The following EXOC6B variants were observed in gnomAD, a reference collection of about 807,000 sequenced individuals.
The protein encoded by EXOC6B is exocyst complex component 6B.
In EXOC6B, 54 loss-of-function variants were observed where a neutral mutation model predicts 113.5. That is an observed-to-expected ratio of 0.48 (90% confidence interval 0.38 to 0.60). The LOEUF is 0.60. Ranked by LOEUF, EXOC6B falls within the 20% of genes least tolerant of loss-of-function variation. The probability of loss-of-function intolerance (pLI) is 0.00; values close to 1 mark genes in which losing one functional copy is unlikely to be tolerated. For missense variants in EXOC6B, 797 were observed against 977.5 expected, an observed-to-expected ratio of 0.82 and a Z score of 2.46; for synonymous variants, 357 against 339.0, an observed-to-expected ratio of 1.05 and a Z score of -0.58.
intron 1 of EXOC6B, among the ~76,000 whole-genome samples, chr2:72,779,740 G>T (rs1427970355): frequency 6.6e-6 from 1 of 152,038 alleles, no homozygotes; most frequent in Non-Finnish European, 1.5e-5. Flanking sequence ...TAAGGGGTGG[G>T]GAATCAGATC....
At chr2:72,369,911 G>A (rs934064602) in intron 19 of EXOC6B, among the ~76,000 whole-genome samples, 1 of 152,108 alleles carries the variant, frequency 6.6e-6, no homozygotes, top group South Asian at 2.1e-4. Context: ...AAAAACCCTA[G>A]AAGAAAACCT....
chr2:72,772,377 T>C (rs1683455847), intron 1 of EXOC6B, among the ~76,000 whole-genome samples: 1 of 152,074 alleles, frequency 6.6e-6, no homozygotes, highest in Admixed American at 6.5e-5. Context: ...AGCCCCAGGC[T>C]TCAGGCCTGC....
chr2:72,472,515 A>G (rs1448473766), intron 17 of EXOC6B, among the ~76,000 whole-genome samples: 1 of 152,066 alleles, frequency 6.6e-6, no homozygotes, highest in East Asian at 1.9e-4. Flanking sequence ...ACAGTCCCTG[A>G]TGATCTTTTC....
intron 18 of EXOC6B, among the ~76,000 whole-genome samples, chr2:72,460,883 A>G (rs1357539538): frequency 6.6e-6 from 1 of 151,512 alleles, no homozygotes; most frequent in African/African-American, 2.4e-5. Flanking sequence ...ACTATAAATC[A>G]TGCTGCTATA....
At chr2:72,238,919 G>C (rs1682131682) in intron 20 of EXOC6B, among the ~76,000 whole-genome samples, 1 of 152,030 alleles carries the variant, frequency 6.6e-6, no homozygotes, top group Non-Finnish European at 1.5e-5. Flanking sequence ...TTGTTTTTTA[G>C]ACAGAGTCTC....
chr2:72,788,319 A>G (rs546649637), intron 1 of EXOC6B, among the ~76,000 whole-genome samples: 1 of 152,346 alleles, frequency 6.6e-6, no homozygotes, highest in African/African-American at 2.4e-5. Flanking sequence ...ATAAGTGTGA[A>G]GTTGAATGTG....
chr2:72,415,158 T>C (rs564696406), intron 18 of EXOC6B, among the ~76,000 whole-genome samples: 4 of 152,214 alleles, frequency 2.6e-5, no homozygotes, highest in African/African-American at 9.6e-5. Context: ...GGTATTCATT[T>C]ACATTTTCAA....
At chr2:72,332,020 G>A (rs945516868) in intron 20 of EXOC6B, among the ~76,000 whole-genome samples, 1 of 151,994 alleles carries the variant, frequency 6.6e-6, no homozygotes, top group Admixed American at 6.6e-5. Flanking sequence ...GATACTGTCT[G>A]AAACTCTCTA....
chr2:72,658,661 A>T (rs987837548), intron 6 of EXOC6B, among the ~76,000 whole-genome samples: 3 of 152,084 alleles, frequency 2.0e-5, no homozygotes, highest in Non-Finnish European at 4.4e-5. Flanking sequence ...ACTGAGAAAG[A>T]GAAGAGAGCT....
chr2:72,803,823 T>C (rs1191172790), intron 1 of EXOC6B, among the ~76,000 whole-genome samples: 4 of 152,290 alleles, frequency 2.6e-5, no homozygotes, highest in Middle Eastern at 3.4e-3. Context: ...CTAATAAATA[T>C]ACAAATCTAC....
At chr2:72,219,233 A>C (rs1432722090) in intron 20 of EXOC6B, among the ~76,000 whole-genome samples, 2 of 151,970 alleles carry the variant, frequency 1.3e-5, no homozygotes, top group Non-Finnish European at 2.9e-5. Context: ...TACTGGTCTC[A>C]CTTTCTAAAG....
At chr2:72,406,349 A>G (rs1454183205) in intron 18 of EXOC6B, among the ~76,000 whole-genome samples, 1 of 152,090 alleles carries the variant, frequency 6.6e-6, no homozygotes, top group Admixed American at 6.6e-5. Context: ...TGCACCAAGC[A>G]GACCTAATAG....
intron 17 of EXOC6B, among the ~76,000 whole-genome samples, chr2:72,478,284 C>A (rs900808904): frequency 6.6e-6 from 1 of 152,100 alleles, no homozygotes; most frequent in Non-Finnish European, 1.5e-5. Context: ...GCTAAGGACG[C>A]CAGCTTGATT....
intron 7 of EXOC6B, among the ~76,000 whole-genome samples, chr2:72,570,508 C>G (rs1704450932): frequency 1.3e-5 from 2 of 152,080 alleles, no homozygotes; most frequent in African/African-American, 4.8e-5. Context: ...AAAAGAGACA[C>G]CAAAATCTAG....
chr2:72,474,049 G>A (rs1278103254), intron 17 of EXOC6B, among the ~76,000 whole-genome samples: 1 of 144,980 alleles, frequency 6.9e-6, no homozygotes, highest in Non-Finnish European at 1.5e-5. Flanking sequence ...TGCCCAACAT[G>A]TTTTTTTTTT....
intron 18 of EXOC6B, among the ~76,000 whole-genome samples, chr2:72,432,789 T>G (rs1352098718): frequency 6.6e-6 from 1 of 151,486 alleles, no homozygotes; most frequent in East Asian, 1.9e-4. Flanking sequence ...TCTTGTAAAT[T>G]TGGTAGATTC....
chr2:72,183,762 A>ATT (rs149454842), intron 21 of EXOC6B, among the ~76,000 whole-genome samples: 14 of 150,130 alleles, frequency 9.3e-5, no homozygotes, highest in African/African-American at 3.2e-4. Flanking sequence ...AAACCGAGCC[A>ATT]TTTTTTTTTC....
At chr2:72,786,633 T>C (rs1405759121) in intron 1 of EXOC6B, among the ~76,000 whole-genome samples, 1 of 152,164 alleles carries the variant, frequency 6.6e-6, no homozygotes, top group Non-Finnish European at 1.5e-5. Flanking sequence ...AGAGCCTATA[T>C]GGTAGGCAAA....
chr2:72,500,538 TAAAATC>T (rs1700259826), intron 11 of EXOC6B, among the ~76,000 whole-genome samples: 1 of 151,732 alleles, frequency 6.6e-6, no homozygotes, highest in African/African-American at 2.4e-5. Flanking sequence ...AAGTTAAAAA[TAAAATC>T]AATTAAATAA....
Sources: gnomAD v4.1 joint callset for allele counts (sites outside exome capture counted in the v4.1 genomes callset) on GRCh38, gnomAD v4.1.1 for gene constraint, MANE v1.5 for transcripts, NCBI Gene and HGNC (gene_info 2026-07-23, HGNC 2026-07-21) for gene names.